LMO7: variants seen among roughly 807,000 people sequenced by gnomAD.
LMO7 encodes the protein LIM domain only protein 7.
In LMO7, 120 loss-of-function variants were observed where a neutral mutation model predicts 206.5. The ratio of observed to expected loss-of-function variants is 0.58; its 90% CI spans 0.50 to 0.68. LMO7 has a LOEUF of 0.68. Among genes scored for constraint, LMO7 ranks in the 30% least tolerant of loss-of-function variants. The pLI is 0.00. For missense variants in LMO7, 1,959 were observed against 1,957.9 expected, an observed-to-expected ratio of 1.00 and a Z score of -0.01; for synonymous variants, 706 against 681.5, an observed-to-expected ratio of 1.04 and a Z score of -0.56.
chr13:75,849,780 A>T (rs187983875), intron 27 of LMO7, among the ~76,000 whole-genome samples: 4 of 152,348 alleles, frequency 2.6e-5, no homozygotes, highest in African/African-American at 9.6e-5. Flanking sequence ...ATAAAGGTAT[A>T]GATATTAATT....
At chr13:75,798,480 G>C (rs899303967) in intron 6 of LMO7, among the ~76,000 whole-genome samples, 6 of 152,214 alleles carry the variant, frequency 3.9e-5, no homozygotes, top group African/African-American at 1.4e-4. Flanking sequence ...GTCTATGCCA[G>C]GAATGCTTTA....
At chr13:75,801,763 G>A (rs2054763648) in intron 7 of LMO7, among the ~76,000 whole-genome samples, 1 of 152,020 alleles carries the variant, frequency 6.6e-6, no homozygotes, top group African/African-American at 2.4e-5. Flanking sequence ...GTGCTTAATT[G>A]TTAGGGATTT....
intron 3 of LMO7, among the ~76,000 whole-genome samples, chr13:75,730,235 T>C (rs906449404): frequency 2.6e-5 from 4 of 152,332 alleles, no homozygotes; most frequent in African/African-American, 4.8e-5. Context: ...CTGGTAGTAT[T>C]TGGCTGTGAA....
intron 4 of LMO7, among the ~76,000 whole-genome samples, chr13:75,781,586 A>T (rs546166662): frequency 5.9e-5 from 9 of 152,120 alleles, no homozygotes; most frequent in African/African-American, 1.7e-4. Flanking sequence ...CGCAATAAAC[A>T]TACATGTGCA....
chr13:75,800,747 T>C lies in LMO7; in HGVS notation c.526T>C (p.Cys176Arg), dbSNP rs570194645. ...GRDSGYGDIW[C>R]PERGEFLAPP... is the part of the protein sequence containing the mutation. ...GGACAGTGGCTACGGTGACATCTGGTGTCCTGAACGTGGAGAATTTCTTGC... is the reference window on the plus strand; with the variant it reads ...GGACAGTGGCTACGGTGACATCTGGCGTCCTGAACGTGGAGAATTTCTTGC... The change falls in exon 7 of 31, where the codon TGT becomes CGT. Residue 176 changes from cysteine (C) to arginine (R), a missense_variant. Coordinates refer to ENST00000377534, the MANE Select transcript of LMO7 (RefSeq NM_001306080.2). 6.2e-7 allele frequency: 1 copy of C among 1,614,120 alleles called. No homozygotes were observed. The highest frequency in any genetic ancestry group is 1.1e-5 in the South Asian group (1 of 91,076).
chr13:75,846,333 C>G (rs889103160), intron 26 of LMO7, among the ~76,000 whole-genome samples: 1 of 152,092 alleles, frequency 6.6e-6, no homozygotes, highest in Non-Finnish European at 1.5e-5. Context: ...TTATCTGGTT[C>G]TAGTTTAACT....
intron 4 of LMO7, among the ~76,000 whole-genome samples, chr13:75,791,804 C>T (rs1255169350): frequency 6.6e-6 from 1 of 152,146 alleles, no homozygotes; most frequent in African/African-American, 2.4e-5. Context: ...TCTTTGTTCA[C>T]AGAGTTGTTG....
intron 10 of LMO7, 127 bp from the exon 11 acceptor site, chr13:75,809,027 T>C (rs2055940056): frequency 1.4e-6 from 1 of 740,450 alleles, no homozygotes; most frequent in Non-Finnish European, 2.4e-6. Context: ...AAGAATGTGA[T>C]GGAAGAAGTG....
At chr13:75,677,205 A>G (rs943484182) in intron 1 of LMO7, among the ~76,000 whole-genome samples, 4 of 152,332 alleles carry the variant, frequency 2.6e-5, no homozygotes, top group East Asian at 3.9e-4. Flanking sequence ...ACCATGGACC[A>G]TCCTCTACAA....
chr13:75,644,018 A>G (rs1290888071), intron 1 of LMO7, among the ~76,000 whole-genome samples: 1 of 152,202 alleles, frequency 6.6e-6, no homozygotes, highest in Non-Finnish European at 1.5e-5. Context: ...AGAGGGCAGA[A>G]CTGGTAATAA....
chr13:75,630,518 C>A (rs1353960718), intron 2 of LMO7, among the ~76,000 whole-genome samples: 1 of 151,982 alleles, frequency 6.6e-6, no homozygotes. Flanking sequence ...ACAAAAAATA[C>A]AAAAATTACA....
At chr13:75,654,832 A>G (rs1433861220) in intron 1 of LMO7, among the ~76,000 whole-genome samples, 1 of 147,892 alleles carries the variant, frequency 6.8e-6, no homozygotes, top group African/African-American at 2.5e-5. Flanking sequence ...TTTTCCTTCC[A>G]TCCCTTTTTA....
At chr13:75,806,401 C>G (rs1466313124) in intron 9 of LMO7, 1 of 206,106 alleles carries the variant, frequency 4.9e-6, no homozygotes, top group Admixed American at 6.5e-5. Context: ...AGTACAAAAG[C>G]GTAATGTATA....
intron 3 of LMO7, among the ~76,000 whole-genome samples, chr13:75,741,463 A>G (rs1390171295): frequency 1.3e-5 from 2 of 152,346 alleles, no homozygotes; most frequent in East Asian, 3.9e-4. Flanking sequence ...CTTGATGAAC[A>G]TCGATGCAAA....
rs2039510335 is a variant in LMO7, at chr13:75,670,965, A to ATTTTTTT, written c.69+34239_69+34240insTTTTTTT. 1.8e-4 allele frequency among the ~76,000 whole-genome samples: 13 copies of ATTTTTTT among 73,264 alleles called. 1 individual carries two copies. The highest frequency in any genetic ancestry group is 4.4e-4 in the African/African-American group (11 of 24,856). The allele number at this position is 73,264 out of a possible 152,430, so 48.1% of individuals were successfully genotyped here. ...ATACCTTTTTTTTTTAATGTTTAAA[A>ATTTTTTT]CTTTTTTTTTTTTTTTTTACTATTT... On this transcript the variant is annotated intron_variant, in intron 1 of 30. Coordinates refer to ENST00000377534, the MANE Select transcript of LMO7 (RefSeq NM_001306080.2).
intron 1 of LMO7, among the ~76,000 whole-genome samples, chr13:75,672,985 GTTTA>G (rs2039720111): frequency 6.6e-6 from 1 of 151,890 alleles, no homozygotes; most frequent in Admixed American, 6.5e-5. Flanking sequence ...ATCTAGTTGA[GTTTA>G]TTTTTTCTTT....
chr13:75,785,810 A>G (rs1402601752), intron 4 of LMO7, among the ~76,000 whole-genome samples: 1 of 152,194 alleles, frequency 6.6e-6, no homozygotes, highest in Admixed American at 6.5e-5. Flanking sequence ...TTTTATTCCA[A>G]TATCATGATC....
At chr13:75,821,923 G>C (rs534165071) in intron 14 of LMO7, among the ~76,000 whole-genome samples, 1 of 152,022 alleles carries the variant, frequency 6.6e-6, no homozygotes, top group South Asian at 2.1e-4. Flanking sequence ...GTTTTAGGTT[G>C]AAAAATATGA....
rs187591376 is a variant in LMO7, at chr13:75,819,218, G to A, written c.2065-175G>A. On this transcript the variant is annotated intron_variant, in intron 12 of 30. Coordinates refer to ENST00000377534, the MANE Select transcript of LMO7 (RefSeq NM_001306080.2). ...GGTCAGGTTTTTGAGACAGACACAT[G>A]AGATAAAGGCTTGGTACAGAAACGC... 2.4e-3 allele frequency: 1,354 copies of A among 571,986 alleles called. 17 individuals carry two copies. Among genetic ancestry groups the A allele is most frequent in the Non-Finnish European group, 1.4e-3 (498 of 347,912 alleles). The allele number at this position is 571,986 out of a possible 1,614,324, so 35.4% of individuals were successfully genotyped here. A position where few individuals can be genotyped will look rare whatever the true frequency, so the allele number is the denominator to read the frequency against.
Sources: allele counts gnomAD v4.1 joint callset (sites outside exome capture counted in the v4.1 genomes callset), GRCh38; gene constraint gnomAD v4.1.1; transcripts MANE v1.5; gene names NCBI Gene and HGNC (gene_info 2026-07-23, HGNC 2026-07-21).